The following RHOBTB2 variants were observed in gnomAD, a reference collection of about 807,000 sequenced individuals.
RHOBTB2 encodes the protein Rho related BTB domain containing 2, also known as rho-related BTB domain-containing protein 2.
Under a neutral mutation model 66.5 loss-of-function variants are expected in RHOBTB2, and 39 were observed. That is an observed-to-expected ratio of 0.59 (90% CI 0.45 to 0.77). The LOEUF (loss-of-function observed/expected upper bound fraction) is 0.77, where lower values mean the gene tolerates loss of function less well. Among genes scored for constraint, RHOBTB2 ranks in the 30% least tolerant of loss-of-function variants. RHOBTB2 has a pLI of 0.00. For synonymous variants in RHOBTB2, 390 were observed against 395.0 expected (o/e 0.99, Z 0.15); for missense variants, 755 against 999.1 (o/e 0.76, Z 3.29).
the RHOBTB2 span, among the ~76,000 whole-genome samples, chr8:22,961,095 T>C: frequency 1.3e-5 from 2 of 152,074 alleles, no homozygotes; most frequent in African/African-American, 4.8e-5. Flanking sequence ...GAGAAGGGTG[T>C]CTCCCTATAT....
At chr8:22,966,079 G>A in the RHOBTB2 span, among the ~76,000 whole-genome samples, 6 of 152,070 alleles carry the variant, frequency 3.9e-5, no homozygotes, top group Non-Finnish European at 7.4e-5. Context: ...AGCTGGGTGC[G>A]GTGGCTCATG....
the RHOBTB2 span, among the ~76,000 whole-genome samples, chr8:22,975,777 C>A: frequency 6.6e-6 from 1 of 152,086 alleles, no homozygotes; most frequent in African/African-American, 2.4e-5. Context: ...TGAATTCAAA[C>A]CTGCTTTTCC....
intron 7 of RHOBTB2, 58 bp from the exon 8 acceptor site, chr8:23,014,632 G>A: frequency 6.8e-7 from 1 of 1,473,168 alleles, no homozygotes; most frequent in Non-Finnish European, 9.5e-7. Context: ...ATGTGGTGGG[G>A]CAGGGTGAGC....
the RHOBTB2 span, among the ~76,000 whole-genome samples, chr8:22,964,722 T>G: frequency 6.6e-6 from 1 of 152,172 alleles, no homozygotes; most frequent in Non-Finnish European, 1.5e-5. Context: ...TTGTAGCATC[T>G]TAAGAATTAT....
At position 23,006,827 on chromosome 8, in the gene RHOBTB2, C is replaced by T. The variant is rs370461878; in HGVS notation, c.582C>T (p.Phe194=). 11 of 1,614,008 alleles carry T rather than the reference C, an allele frequency of 6.8e-6. No homozygotes were observed. The highest frequency in any genetic ancestry group is 8.5e-6 in the Non-Finnish European group (10 of 1,180,014). ...ATGAGACCAGCGTGGTGGCCCAGTT[C>T]GGCATCAAGGACGTCTTTGACAACG... ...PYYETSVVAQ[F]GIKDVFDNAI... is the part of the protein sequence containing the mutation. The change falls in exon 5 of 10, where the codon TTC becomes TTT. Residue 194 remains phenylalanine (F), a synonymous_variant. Transcript: ENST00000251822. The surrounding 1 kb of genome is among the most constrained non-coding windows in gnomAD (Gnocchi z 6.1).
the RHOBTB2 span, among the ~76,000 whole-genome samples, chr8:22,972,144 G>A: frequency 6.6e-6 from 1 of 152,092 alleles, no homozygotes; most frequent in Non-Finnish European, 1.5e-5. Flanking sequence ...CTCGCATTCC[G>A]TCAAAGGCCA....
At position 23,004,325 on chromosome 8, in the gene RHOBTB2, A is replaced by G; in HGVS notation, c.-10-100A>G. ...TCCTCCTGTCAGCTCCGGGGCTTGCAGAGGGGGCAGCCTGGCTGAGGAGAG... is the reference window on the plus strand; with the variant it reads ...TCCTCCTGTCAGCTCCGGGGCTTGCGGAGGGGGCAGCCTGGCTGAGGAGAG... On this transcript the variant is annotated intron_variant, in intron 1 of 9. Coordinates refer to ENST00000251822, the MANE Select transcript of RHOBTB2 (RefSeq NM_015178.3). This position sits in a 1 kb window ranked among gnomAD's most constrained non-coding sequence, Gnocchi z 6.4. 3 of 1,004,202 alleles carry G rather than the reference A, an allele frequency of 3.0e-6. 1 individual carries two copies. In the South Asian group the frequency reaches 4.1e-5, roughly 14 times the overall value. 62.2% of individuals were successfully genotyped at this position (1,004,202 alleles called of 1,614,324 possible). A position where few individuals can be genotyped will look rare whatever the true frequency, so the allele number is the denominator to read the frequency against.
chr8:22,967,888 G>T, the RHOBTB2 span, among the ~76,000 whole-genome samples: 62 of 152,168 alleles, frequency 4.1e-4, no homozygotes, highest in African/African-American at 1.4e-3. Context: ...TGGGTGCCAT[G>T]GCTCACACCT....
chr8:22,980,949 C>T, the RHOBTB2 span, among the ~76,000 whole-genome samples: 1 of 152,168 alleles, frequency 6.6e-6, no homozygotes, highest in African/African-American at 2.4e-5. Context: ...CTCTTTCAGC[C>T]ACAGCCAATC....
intron 1 of RHOBTB2, chr8:23,003,969 T>G: frequency 4.0e-6 from 1 of 247,700 alleles, no homozygotes; most frequent in Non-Finnish European, 8.0e-6. Context: ...TAAAGTGCCC[T>G]GCCCTCAGGC....
the RHOBTB2 span, among the ~76,000 whole-genome samples, chr8:22,952,347 G>T: frequency 1.3e-5 from 2 of 152,158 alleles, no homozygotes; most frequent in African/African-American, 4.8e-5. Context: ...TGCATGCCAT[G>T]CATGCATGCC....
At chr8:22,979,020 T>C in the RHOBTB2 span, among the ~76,000 whole-genome samples, 11 of 152,232 alleles carry the variant, frequency 7.2e-5, no homozygotes, top group Admixed American at 2.0e-4. Context: ...AACCAAGTTA[T>C]TTAACATACC....
chr8:23,012,675 A>G (rs932483971), intron 7 of RHOBTB2, among the ~76,000 whole-genome samples: 2 of 152,190 alleles, frequency 1.3e-5, no homozygotes, highest in Admixed American at 6.5e-5. Context: ...CTGGAGTGCA[A>G]TGGCCTGATC....
chr8:23,007,549 C>T lies in RHOBTB2; in HGVS notation c.1304C>T (p.Thr435Met), dbSNP rs778292046. 6.2e-6 allele frequency: 10 copies of T among 1,614,030 alleles called. No individual in the cohort carries two copies. The highest frequency in any genetic ancestry group is 4.5e-5 in the East Asian group (2 of 44,896). Residue 435 changes from threonine to methionine, a missense_variant, in exon 5 of 10, where the codon ACG becomes ATG. Transcript: ENST00000251822. The part of the protein sequence containing the change: ...PFRAVLKYLY[T>M]GELDENERDL... ...CGGGCTGTCCTCAAGTACCTGTACA[C>T]GGGGGAGCTAGATGAGAACGAGCGT...
intron 2 of RHOBTB2, among the ~76,000 whole-genome samples, chr8:22,992,875 G>A (rs1380756462): frequency 6.6e-6 from 1 of 152,220 alleles, no homozygotes; most frequent in African/African-American, 2.4e-5. Flanking sequence ...AGGGAGGACT[G>A]GGGGAATGGG....
At chr8:22,958,092 T>A in the RHOBTB2 span, among the ~76,000 whole-genome samples, 1 of 152,230 alleles carries the variant, frequency 6.6e-6, no homozygotes, top group Admixed American at 6.5e-5. Flanking sequence ...CTCTTTTGGC[T>A]TTCAATATTT....
chr8:22,973,964 G>GCCCTTCCAGGGAGTCACCTGAC, the RHOBTB2 span, among the ~76,000 whole-genome samples: 1,791 of 152,230 alleles, frequency 0.012, 43 homozygotes, highest in African/African-American at 0.041. Flanking sequence ...CCAGGCACCA[G>GCCCTTCCAGGGAGTCACCTGAC]CCCTTCCAGG....
Position 23,019,816 on chromosome 8 carries a change from G to T in RHOBTB2, c.*2347G>T, listed in dbSNP as rs1254860446. 6.1e-6 allele frequency: 1 copy of T among 164,824 alleles called. No homozygotes were observed. The highest frequency in any genetic ancestry group is 1.3e-5 in the Non-Finnish European group (1 of 75,384). 10.2% of individuals were successfully genotyped at this position (164,824 alleles called of 1,614,324 possible). On this transcript the variant is annotated 3_prime_UTR_variant, in exon 10 of 10. Transcript: ENST00000251822. ...CATTCCCCGAGAGCTGTCGGAACCAGATGCAACCCGGCAGCCCAGAGAACT... is the reference window on the plus strand; with the variant it reads ...CATTCCCCGAGAGCTGTCGGAACCATATGCAACCCGGCAGCCCAGAGAACT...
upstream of RHOBTB2, among the ~76,000 whole-genome samples, chr8:22,997,851 T>C (rs953370969): frequency 1.3e-5 from 2 of 152,184 alleles, no homozygotes; most frequent in African/African-American, 4.8e-5. Context: ...GTTATGATTT[T>C]CTCTGGCGCA....
Sources: allele counts gnomAD v4.1 joint callset (sites outside exome capture counted in the v4.1 genomes callset), GRCh38; gene constraint gnomAD v4.1.1; non-coding constraint Gnocchi (gnomAD v3.1); transcripts MANE v1.5; gene names NCBI Gene and HGNC (gene_info 2026-07-23, HGNC 2026-07-21).